Variants in AGMO observed in about 807,000 individuals in gnomAD.
AGMO encodes the protein alkylglycerol monooxygenase.
A neutral mutation model predicts 60.2 loss-of-function variants in AGMO; 75 were observed. The ratio of observed to expected loss-of-function variants is 1.25; its 90% CI spans 1.03 to 1.51. The LOEUF (loss-of-function observed/expected upper bound fraction) is 1.51, where lower values mean the gene tolerates loss of function less well. AGMO is among the 40% of genes most tolerant of loss of function. The pLI is 0.00. For synonymous variants in AGMO, 261 were observed against 177.1 expected (o/e 1.47, Z -3.76); for missense variants, 763 against 525.5 (o/e 1.45, Z -4.42).
intron 10 of AGMO, among the ~76,000 whole-genome samples, chr7:15,374,686 G>A (rs1460668253): frequency 6.6e-6 from 1 of 151,998 alleles, no homozygotes; most frequent in African/African-American, 2.4e-5. Context: ...GGATACAAAT[G>A]ACATGATCCA....
At chr7:15,406,044 G>T (rs995489903) in intron 5 of AGMO, among the ~76,000 whole-genome samples, 2 of 151,708 alleles carry the variant, frequency 1.3e-5, no homozygotes, top group Non-Finnish European at 2.9e-5. Flanking sequence ...AAAGATTCAT[G>T]AAATTTTAGA....
At chr7:15,374,712 C>A (rs1783376535) in intron 10 of AGMO, among the ~76,000 whole-genome samples, 1 of 152,042 alleles carries the variant, frequency 6.6e-6, no homozygotes, top group Non-Finnish European at 1.5e-5. Context: ...CACCAGTTTC[C>A]CACCTTGAGA....
At chr7:15,333,917 CA>C (rs2128545603) in intron 12 of AGMO, among the ~76,000 whole-genome samples, 2 of 152,090 alleles carry the variant, frequency 1.3e-5, no homozygotes, top group South Asian at 4.1e-4. Flanking sequence ...CTCAATATAT[CA>C]GCATTTATGG....
intron 12 of AGMO, among the ~76,000 whole-genome samples, chr7:15,354,482 G>A (rs118196373): frequency 0.013 from 183 of 14,082 alleles, 14 homozygotes; most frequent in Admixed American, 0.018. Context: ...ACACACGTGT[G>A]TATATACACA....
the AGMO span, among the ~76,000 whole-genome samples, chr7:15,172,998 A>G: frequency 6.6e-6 from 1 of 152,206 alleles, no homozygotes; most frequent in African/African-American, 2.4e-5. Flanking sequence ...GTCTCATTAC[A>G]TATCCTTATG....
chr7:15,541,720 G>A (rs769805572), intron 3 of AGMO, among the ~76,000 whole-genome samples: 1 of 152,024 alleles, frequency 6.6e-6, no homozygotes, highest in Non-Finnish European at 1.5e-5. Flanking sequence ...GAGAAAATGC[G>A]ACATATATGC....
intron 12 of AGMO, among the ~76,000 whole-genome samples, chr7:15,266,150 G>C (rs942754020): frequency 2.6e-5 from 4 of 151,946 alleles, no homozygotes; most frequent in Admixed American, 2.0e-4. Context: ...GGGAGTTATT[G>C]TTTAATAGGT....
At chr7:15,357,742 T>G (rs1782594874) in intron 12 of AGMO, among the ~76,000 whole-genome samples, 1 of 152,198 alleles carries the variant, frequency 6.6e-6, no homozygotes, top group South Asian at 2.1e-4. Flanking sequence ...CAGAGAGAAG[T>G]CTTTCCACAT....
Position 15,223,186 on chromosome 7 carries a change from G to A in AGMO, c.1264-21827C>T, listed in dbSNP as rs73679450. 3.0e-3 allele frequency among the ~76,000 whole-genome samples: 451 copies of A among 151,998 alleles called. 3 individuals carry two copies. Among genetic ancestry groups the A allele is most frequent in the African/African-American group, 0.01 (429 of 41,516 alleles). ...CAAAAGGCTATTTAAATAAAATACT[G>A]AAATTCTTCAAGACCTACAGTAAGA... is the stretch of plus-strand genomic sequence containing the variant. On this transcript the variant is annotated intron_variant, in intron 12 of 12. Coordinates refer to ENST00000342526, the MANE Select transcript of AGMO (RefSeq NM_001004320.2).
At chr7:15,364,597 T>C (rs1401542292) in intron 12 of AGMO, among the ~76,000 whole-genome samples, 1 of 152,040 alleles carries the variant, frequency 6.6e-6, no homozygotes, top group Admixed American at 6.6e-5. Context: ...TATACACCGA[T>C]TCGCGTGTGT....
chr7:15,548,017 G>T (rs577313617), intron 2 of AGMO, among the ~76,000 whole-genome samples: 19 of 146,604 alleles, frequency 1.3e-4, no homozygotes, highest in African/African-American at 3.2e-4. Flanking sequence ...CCCTGACACC[G>T]GAGCAGCCTA....
At chr7:15,426,502 A>G (rs531806733) in intron 4 of AGMO, among the ~76,000 whole-genome samples, 217 of 152,246 alleles carry the variant, frequency 1.4e-3, no homozygotes, top group African/African-American at 5.1e-3. Context: ...TAATCCCACC[A>G]CTTTGGGGGG....
intron 12 of AGMO, among the ~76,000 whole-genome samples, chr7:15,332,321 T>C (rs745675245): frequency 6.6e-5 from 10 of 152,120 alleles, no homozygotes; most frequent in East Asian, 1.9e-4. Context: ...TGGTACAGCA[T>C]AGACACTAAA....
At chr7:15,411,892 G>C (rs904939503) in intron 5 of AGMO, among the ~76,000 whole-genome samples, 2 of 151,998 alleles carry the variant, frequency 1.3e-5, no homozygotes, top group Non-Finnish European at 2.9e-5. Flanking sequence ...TGGATCTTGA[G>C]TAAATTTAAT....
chr7:15,472,345 T>A (rs1442143840), intron 3 of AGMO, among the ~76,000 whole-genome samples: 1 of 151,930 alleles, frequency 6.6e-6, no homozygotes, highest in Non-Finnish European at 1.5e-5. Flanking sequence ...ATGTATTTCT[T>A]AAAAGGAAAG....
intron 5 of AGMO, among the ~76,000 whole-genome samples, chr7:15,395,731 A>T (rs928459541): frequency 6.6e-6 from 1 of 152,054 alleles, no homozygotes; most frequent in African/African-American, 2.4e-5. Flanking sequence ...TAAAAATTTA[A>T]ACTGCTAGTA....
chr7:15,421,320 G>A (rs1349993380), intron 4 of AGMO, among the ~76,000 whole-genome samples: 1 of 152,062 alleles, frequency 6.6e-6, no homozygotes, highest in East Asian at 1.9e-4. Flanking sequence ...GTATGTCTGT[G>A]CCTCGCCACA....
chr7:15,233,550 G>GT lies in AGMO; in HGVS notation c.1264-32192dup, dbSNP rs113478897. Among the ~76,000 whole-genome samples, 1,275 of 148,548 alleles carry GT rather than the reference G, an allele frequency of 8.6e-3. 16 individuals are homozygous for GT. The highest frequency in any genetic ancestry group is 0.029 in the African/African-American group (1,166 of 40,364). ...TATTGCTTAATGGTTACAGAGAGTT[G>GT]TTTTTTTTTTTCCCCCCTTTGGATG... On this transcript the variant is annotated intron_variant, in intron 12 of 12. Coordinates refer to ENST00000342526, the MANE Select transcript of AGMO (RefSeq NM_001004320.2).
chr7:15,470,950 T>C (rs185131978), intron 3 of AGMO, among the ~76,000 whole-genome samples: 1 of 152,132 alleles, frequency 6.6e-6, no homozygotes, highest in African/African-American at 2.4e-5. Context: ...TTGTATAGTT[T>C]TTAAAAGCAT....
Sources: gnomAD v4.1 joint callset for allele counts (sites outside exome capture counted in the v4.1 genomes callset) on GRCh38, gnomAD v4.1.1 for gene constraint, MANE v1.5 for transcripts, NCBI Gene and HGNC (gene_info 2026-07-23, HGNC 2026-07-21) for gene names.